Variants in SGCD observed in about 807,000 individuals in gnomAD.
SGCD encodes the protein sarcoglycan delta.
In SGCD, 18 loss-of-function variants were observed where a neutral mutation model predicts 36.6. That is an observed-to-expected ratio of 0.49 (90% CI 0.34 to 0.73). SGCD has a LOEUF of 0.73. Ranked by LOEUF, SGCD falls within the 30% of genes least tolerant of loss-of-function variation. The pLI is 0.01. For synonymous variants in SGCD, 133 were observed against 130.6 expected (o/e 1.02, Z -0.12); for missense variants, 387 against 346.7 (o/e 1.12, Z -0.92).
chr5:155,819,705 C>T, the SGCD span, among the ~76,000 whole-genome samples: 2 of 152,136 alleles, frequency 1.3e-5, no homozygotes, highest in African/African-American at 2.4e-5. Flanking sequence ...TGTTTAATTA[C>T]CACACAGCAC....
At chr5:155,967,341 G>A (rs77197221) in intron 1 of SGCD, among the ~76,000 whole-genome samples, 3,502 of 152,096 alleles carry the variant, frequency 0.023, 133 homozygotes, top group African/African-American at 0.075. Context: ...CAGAGGTAGA[G>A]GAGCATGTTG....
intron 3 of SGCD, among the ~76,000 whole-genome samples, chr5:156,373,914 GC>G (rs2127741838): frequency 6.6e-6 from 1 of 152,302 alleles, no homozygotes; most frequent in South Asian, 2.1e-4. Context: ...ACCAGACTGT[GC>G]TGTGTGGGTG....
rs113993774 is a variant in SGCD, at chr5:156,490,247, G to A, written c.193-18354G>A. 3.2e-3 allele frequency among the ~76,000 whole-genome samples: 490 copies of A among 152,012 alleles called. 3 individuals carry two copies. Among genetic ancestry groups the A allele is most frequent in the Non-Finnish European group, 5.0e-3 (336 of 67,838 alleles). On this transcript the variant is annotated intron_variant, in intron 3 of 8. Coordinates refer to ENST00000337851, the MANE Select transcript of SGCD (RefSeq NM_000337.6). ...CTTCTAACAAAGATGAGCCCAGGAC[G>A]AGATGCCTTTACTGCAGAATTCAAC...
rs1466238271 is a variant in SGCD at position 155,920,133 on chromosome 5, A to AATGATCAAC, written c.-282+49712_-282+49720dup. Among the ~76,000 whole-genome samples the AATGATCAAC allele has an allele frequency of 2.6e-5, 4 of 152,204 alleles. No homozygotes were observed. In the East Asian group the frequency reaches 7.7e-4, roughly 29 times the overall value. On this transcript the variant is annotated intron_variant, in intron 1 of 9. Coordinates refer to the SGCD transcript ENST00000517913. The stretch of plus-strand genomic sequence containing the variant: ...CCCCATTTAGCCACCTCAGCAATGA[A>AATGATCAAC]ATGATCAACATCTAACCCTGGCTTC...
intron 3 of SGCD, among the ~76,000 whole-genome samples, chr5:156,149,551 C>T (rs1055175302): frequency 6.6e-6 from 1 of 152,168 alleles, no homozygotes; most frequent in Admixed American, 6.5e-5. Flanking sequence ...TAGGGATGGG[C>T]TGCTCACCTC....
chr5:155,738,653 TGAGA>T, the SGCD span, among the ~76,000 whole-genome samples: 10 of 151,620 alleles, frequency 6.6e-5, no homozygotes, highest in Non-Finnish European at 7.4e-5. Flanking sequence ...TGTGTGTGTG[TGAGA>T]GAGTGTGTGT....
At chr5:156,400,134 A>G (rs1772065910) in intron 3 of SGCD, among the ~76,000 whole-genome samples, 1 of 152,172 alleles carries the variant, frequency 6.6e-6, no homozygotes, top group Non-Finnish European at 1.5e-5. Flanking sequence ...TTCAGTGAGC[A>G]TCAGACTCAC....
At chr5:156,681,577 T>C (rs1182072219) in intron 7 of SGCD, among the ~76,000 whole-genome samples, 1 of 152,188 alleles carries the variant, frequency 6.6e-6, no homozygotes, top group East Asian at 1.9e-4. Flanking sequence ...ATAGCCCTTC[T>C]GTATCAATAT....
chr5:156,301,576 G>A (rs1767055018), intron 3 of SGCD, among the ~76,000 whole-genome samples: 1 of 151,970 alleles, frequency 6.6e-6, no homozygotes, highest in Non-Finnish European at 1.5e-5. Flanking sequence ...GTCTGTATTT[G>A]TCTGTGTGCT....
rs1766236774 is a variant in SGCD, at chr5:156,273,579, C to A, written c.-43-55955C>A. On this transcript the variant is annotated intron_variant, in intron 3 of 9. Coordinates refer to the SGCD transcript ENST00000517913. ...TTTACTGCCTGAGCTAAATTTATTT[C>A]TCTTCTGACCTTTGCAAGAGTCTAA... Among the ~76,000 whole-genome samples the A allele has an allele frequency of 2.0e-5, 3 of 152,180 alleles. No homozygotes were observed. The South Asian group carries it at 6.2e-4, about 32-fold the overall frequency.
chr5:155,850,497 G>A, the SGCD span, among the ~76,000 whole-genome samples: 1 of 152,126 alleles, frequency 6.6e-6, no homozygotes, highest in African/African-American at 2.4e-5. Flanking sequence ...GTTCTGCTTT[G>A]GCTGATGAAA....
intron 1 of SGCD, among the ~76,000 whole-genome samples, chr5:156,054,280 C>A (rs1314564774): frequency 9.2e-6 from 1 of 108,986 alleles, no homozygotes; most frequent in Non-Finnish European, 1.9e-5. Flanking sequence ...CATGAACTTT[C>A]CTTCTTTTTT....
intron 3 of SGCD, among the ~76,000 whole-genome samples, chr5:156,374,067 C>G (rs923998362): frequency 6.7e-6 from 1 of 150,034 alleles, no homozygotes; most frequent in Non-Finnish European, 1.5e-5. Context: ...AGCAGTAACT[C>G]GGATAAAAAT....
chr5:156,632,405 A>G (rs1762672291), intron 6 of SGCD, among the ~76,000 whole-genome samples: 1 of 152,194 alleles, frequency 6.6e-6, no homozygotes, highest in Admixed American at 6.5e-5. Flanking sequence ...CATTGTAACT[A>G]TCCCACTTTC....
At chr5:156,131,496 T>G (rs1275368573) in intron 3 of SGCD, among the ~76,000 whole-genome samples, 1 of 152,226 alleles carries the variant, frequency 6.6e-6, no homozygotes. Context: ...GTTTTAGAGA[T>G]TATATGAACA....
chr5:155,841,903 A>G, the SGCD span, among the ~76,000 whole-genome samples: 4 of 152,258 alleles, frequency 2.6e-5, no homozygotes, highest in African/African-American at 2.4e-5. Flanking sequence ...TCTAAACACA[A>G]TGATTCTTCT....
chr5:156,148,611 G>A (rs1762763285), intron 3 of SGCD, among the ~76,000 whole-genome samples: 1 of 152,030 alleles, frequency 6.6e-6, no homozygotes, highest in African/African-American at 2.4e-5. Context: ...GGTCCAGCTG[G>A]TTGTTCTCAC....
intron 3 of SGCD, among the ~76,000 whole-genome samples, chr5:156,218,169 T>C (rs954612437): frequency 2.0e-5 from 3 of 152,026 alleles, no homozygotes; most frequent in African/African-American, 7.2e-5. Context: ...AGCAAATCGC[T>C]TGAACCTGGG....
intron 3 of SGCD, among the ~76,000 whole-genome samples, chr5:156,445,141 A>G (rs9313931): frequency 0.021 from 3,198 of 152,236 alleles, 119 homozygotes; most frequent in African/African-American, 0.072. Context: ...AGGTTGCCCT[A>G]GAAACTGCTG....
Sources: allele counts gnomAD v4.1 joint callset (sites outside exome capture counted in the v4.1 genomes callset), GRCh38; gene constraint gnomAD v4.1.1; transcripts MANE v1.5; gene names NCBI Gene and HGNC (gene_info 2026-07-23, HGNC 2026-07-21).